The following DCDC1 variants were observed in gnomAD, a reference collection of about 807,000 sequenced individuals.
DCDC1 encodes doublecortin domain containing 1, also known as doublecortin domain-containing protein 1.
In DCDC1, 200 loss-of-function variants were observed where a neutral mutation model predicts 178.3. That is an observed-to-expected ratio of 1.12 (90% confidence interval 1.00 to 1.26). The LOEUF (loss-of-function observed/expected upper bound fraction) is 1.26, where lower values mean the gene tolerates loss of function less well. Among genes scored for constraint, DCDC1 ranks in the 50% most tolerant of loss-of-function variants. DCDC1 has a pLI of 0.00. For missense variants in DCDC1, 1,983 were observed against 1,749.2 expected, an observed-to-expected ratio of 1.13 and a Z score of -2.38; for synonymous variants, 690 against 604.8, an observed-to-expected ratio of 1.14 and a Z score of -2.07.
intron 9 of DCDC1, among the ~76,000 whole-genome samples, chr11:31,195,272 C>CGTTA (rs1565414374): frequency 6.6e-6 from 1 of 152,066 alleles, no homozygotes; most frequent in Non-Finnish European, 1.5e-5. Context: ...CTTCCACTAA[C>CGTTA]GACTGTGAAA....
At chr11:30,998,146 T>A (rs1366173903) in intron 20 of DCDC1, among the ~76,000 whole-genome samples, 1 of 151,862 alleles carries the variant, frequency 6.6e-6, no homozygotes, top group Admixed American at 6.6e-5. Flanking sequence ...AATAAAAAAA[T>A]TAGTCCAGTG....
intron 9 of DCDC1, among the ~76,000 whole-genome samples, chr11:31,187,542 ATTCT>A (rs1969652500): frequency 6.6e-6 from 1 of 152,244 alleles, no homozygotes; most frequent in African/African-American, 2.4e-5. Context: ...CATAAAAATG[ATTCT>A]TTAAGGTTAA....
chr11:31,177,859 C>G (rs969365166), intron 9 of DCDC1, among the ~76,000 whole-genome samples: 1 of 151,932 alleles, frequency 6.6e-6, no homozygotes, highest in Non-Finnish European at 1.5e-5. Flanking sequence ...AACACTGGAG[C>G]CCCCACATAT....
intron 6 of DCDC1, among the ~76,000 whole-genome samples, chr11:31,301,812 C>T (rs1948134860): frequency 6.6e-6 from 1 of 152,130 alleles, no homozygotes; most frequent in African/African-American, 2.4e-5. Flanking sequence ...TCTTGTCAAT[C>T]ACAAGCTGTC....
chr11:30,950,733 G>C (rs1165992210), intron 21 of DCDC1, among the ~76,000 whole-genome samples: 1 of 152,026 alleles, frequency 6.6e-6, no homozygotes, highest in Non-Finnish European at 1.5e-5. Context: ...GGAATAAAGG[G>C]AGGTTGTTTA....
chr11:31,331,482 A>C (rs1033022354), intron 2 of DCDC1, among the ~76,000 whole-genome samples: 5 of 152,180 alleles, frequency 3.3e-5, no homozygotes, highest in African/African-American at 1.2e-4. Context: ...GAATGCTTCC[A>C]GTTTTTGCCC....
At chr11:31,183,315 C>T (rs975374722) in intron 9 of DCDC1, among the ~76,000 whole-genome samples, 5 of 152,210 alleles carry the variant, frequency 3.3e-5, no homozygotes, top group African/African-American at 1.2e-4. Context: ...CACCACGTGA[C>T]ACTTATTCTA....
At chr11:30,894,774 C>T (rs1327663250) in intron 34 of DCDC1, among the ~76,000 whole-genome samples, 1 of 152,126 alleles carries the variant, frequency 6.6e-6, no homozygotes, top group Non-Finnish European at 1.5e-5. Flanking sequence ...AATAATAAGC[C>T]TTTCCCCCAC....
At chr11:31,117,827 C>T (rs1427374982) in intron 11 of DCDC1, among the ~76,000 whole-genome samples, 1 of 151,990 alleles carries the variant, frequency 6.6e-6, no homozygotes, top group Non-Finnish European at 1.5e-5. Flanking sequence ...TGTCCTAAGC[C>T]AAGTAATTTC....
At chr11:31,173,681 T>A (rs1170983323) in intron 9 of DCDC1, among the ~76,000 whole-genome samples, 1 of 152,040 alleles carries the variant, frequency 6.6e-6, no homozygotes, top group Admixed American at 6.6e-5. Context: ...TTGTTCAAAA[T>A]ATGAAATTAC....
chr11:31,213,132 T>TCCCTCTCCCTCTCC (rs1972919959), intron 9 of DCDC1, among the ~76,000 whole-genome samples: 1 of 138,522 alleles, frequency 7.2e-6, no homozygotes, highest in African/African-American at 2.8e-5. Flanking sequence ...TCTCTCTCTC[T>TCCCTCTCCCTCTCC]CTCTCTCTCT....
intron 36 of DCDC1, chr11:30,882,792 T>C (rs1942805473): frequency 6.6e-6 from 1 of 152,030 alleles, no homozygotes; most frequent in Admixed American, 6.6e-5. Flanking sequence ...AAAAAAAGGG[T>C]ACATTGTACT....
At chr11:31,158,921 T>C (rs1422800654) in intron 9 of DCDC1, among the ~76,000 whole-genome samples, 1 of 152,032 alleles carries the variant, frequency 6.6e-6, no homozygotes, top group Non-Finnish European at 1.5e-5. Context: ...CCAAATATCA[T>C]TCTCATAATT....
intron 36 of DCDC1, among the ~76,000 whole-genome samples, chr11:30,888,350 T>A (rs1048399563): frequency 6.6e-6 from 1 of 152,136 alleles, no homozygotes. Context: ...CAAATACAGA[T>A]GAGTTAAAAA....
intron 8 of DCDC1, among the ~76,000 whole-genome samples, chr11:31,249,997 G>A (rs1943866941): frequency 6.6e-6 from 1 of 151,976 alleles, no homozygotes; most frequent in African/African-American, 2.4e-5. Context: ...TGCATGGAGA[G>A]AGATTCAAGC....
At chr11:31,341,656 A>G (rs1220554559) in intron 1 of DCDC1, among the ~76,000 whole-genome samples, 2 of 152,176 alleles carry the variant, frequency 1.3e-5, no homozygotes, top group East Asian at 1.9e-4. Context: ...GTATTTGTGT[A>G]TCTAAACATA....
intron 38 of DCDC1, among the ~76,000 whole-genome samples, chr11:30,870,369 C>T (rs188488038): frequency 1.3e-5 from 2 of 152,230 alleles, no homozygotes; most frequent in South Asian, 2.1e-4. Flanking sequence ...TAGAGAATAA[C>T]GACTATTTCC....
At chr11:31,065,334 T>C (rs977110487) in intron 18 of DCDC1, among the ~76,000 whole-genome samples, 181 bp from the exon 19 acceptor site, 2 of 152,208 alleles carry the variant, frequency 1.3e-5, no homozygotes, top group Non-Finnish European at 2.9e-5. Context: ...TATTAACGTT[T>C]CTAATTAGTT....
intron 8 of DCDC1, among the ~76,000 whole-genome samples, chr11:31,255,498 TGTGA>T (rs1306070168): frequency 1.3e-5 from 2 of 152,178 alleles, no homozygotes; most frequent in Non-Finnish European, 2.9e-5. Flanking sequence ...AGTATGTGTG[TGTGA>T]GTTTTATTAT....
Sources: gnomAD v4.1 joint callset for allele counts (sites outside exome capture counted in the v4.1 genomes callset) on GRCh38, gnomAD v4.1.1 for gene constraint, MANE v1.5 for transcripts, NCBI Gene and HGNC (gene_info 2026-07-23, HGNC 2026-07-21) for gene names.